Variants in FOXP1 observed in about 807,000 individuals in gnomAD.
The protein encoded by FOXP1 is forkhead box P1, also known as forkhead box protein P1.
In FOXP1, 15 loss-of-function variants were observed where a neutral mutation model predicts 98.2. The observed-to-expected ratio is 0.15, with a 90% CI of 0.10 to 0.24. The LOEUF (loss-of-function observed/expected upper bound fraction) is 0.24, where lower values mean the gene tolerates loss of function less well. Ranked by LOEUF, FOXP1 falls within the 10% of genes least tolerant of loss-of-function variation. FOXP1 has a pLI of 1.00. For missense variants in FOXP1, 633 were observed against 848.5 expected, an observed-to-expected ratio of 0.75 and a Z score of 3.15; for synonymous variants, 371 against 314.5, an observed-to-expected ratio of 1.18 and a Z score of -1.90.
chr3:71,372,445 A>G (rs928493397), intron 3 of FOXP1, among the ~76,000 whole-genome samples: 1 of 152,102 alleles, frequency 6.6e-6, no homozygotes, highest in African/African-American at 2.4e-5. Flanking sequence ...TTCCACGCAG[A>G]TATCTTGTTC....
chr3:71,311,630 C>T (rs961270866), intron 4 of FOXP1, among the ~76,000 whole-genome samples: 35 of 152,180 alleles, frequency 2.3e-4, no homozygotes, highest in African/African-American at 8.2e-4. Flanking sequence ...CAAGAATGAA[C>T]CCATGTACAT....
chr3:71,137,383 C>A (rs887216322), intron 6 of FOXP1, among the ~76,000 whole-genome samples: 2 of 152,194 alleles, frequency 1.3e-5, no homozygotes, highest in Non-Finnish European at 2.9e-5. Context: ...ATCCTCCATA[C>A]GGTCTGAGAT....
rs532587089 is a variant in FOXP1, at chr3:71,370,528, A to G, written c.-167-11284T>C. Among the ~76,000 whole-genome samples the G allele has an allele frequency of 6.0e-4, 91 of 152,330 alleles. 1 individual carries two copies. The South Asian group carries it at 0.018, about 31-fold the overall frequency. ...TTGTTTATTCTTTCACTCCATAAAC[A>G]CTTGAGGAAAGGGCACTAGAACAGA... On this transcript the variant is annotated intron_variant, in intron 3 of 20. Transcript: ENST00000649528.
At chr3:71,368,507 T>C (rs995115582) in intron 3 of FOXP1, among the ~76,000 whole-genome samples, 1 of 151,904 alleles carries the variant, frequency 6.6e-6, no homozygotes, top group Admixed American at 6.6e-5. Context: ...CTCTCATTAG[T>C]CTCTGAGAAA....
At position 71,074,031 on chromosome 3, in the gene FOXP1, T is replaced by A. The variant is rs148907886; in HGVS notation, c.283-20258A>T. Among the ~76,000 whole-genome samples, 11 of 152,258 alleles carry A rather than the reference T, an allele frequency of 7.2e-5. No homozygotes were observed. The East Asian group carries it at 1.9e-3, about 27-fold the overall frequency. Reference sequence around the variant, plus strand: ...ACGTACTGTGACCCTGGCACAGGATTTGACAAAGAAAGGGAAAATGAGGGA... The same window carrying A: ...ACGTACTGTGACCCTGGCACAGGATATGACAAAGAAAGGGAAAATGAGGGA... On this transcript the variant is annotated intron_variant, in intron 7 of 20. Transcript: ENST00000649528.
intron 5 of FOXP1, among the ~76,000 whole-genome samples, chr3:71,279,980 G>A (rs192953475): frequency 3.4e-4 from 51 of 151,838 alleles, no homozygotes; most frequent in African/African-American, 9.2e-4. Flanking sequence ...AAAATTAGCC[G>A]GGCGTGGTGA....
chr3:71,579,363 T>G (rs1390746045), intron 2 of FOXP1, among the ~76,000 whole-genome samples: 1 of 152,194 alleles, frequency 6.6e-6, no homozygotes, highest in Non-Finnish European at 1.5e-5. Flanking sequence ...TTCATTATAC[T>G]TTGATAAACC....
intron 18 of FOXP1, 102 bp from the exon 19 acceptor site, chr3:70,970,907 A>T: frequency 1.1e-6 from 1 of 876,598 alleles, no homozygotes; most frequent in South Asian, 1.3e-5. Context: ...CAAATGAGCA[A>T]TTTCCCCCAC....
At chr3:71,291,833 C>T (rs943774644) in intron 5 of FOXP1, among the ~76,000 whole-genome samples, 8 of 151,112 alleles carry the variant, frequency 5.3e-5, no homozygotes, top group Admixed American at 2.0e-4. Flanking sequence ...TAGCCTCCCA[C>T]GTAGCTGGGA....
chr3:71,536,302 G>C (rs768080658), intron 2 of FOXP1, among the ~76,000 whole-genome samples: 2 of 152,052 alleles, frequency 1.3e-5, no homozygotes, highest in African/African-American at 4.8e-5. Flanking sequence ...TAATTTACTT[G>C]TGACCCACGA....
At chr3:71,299,425 G>A (rs1361180219) in intron 5 of FOXP1, among the ~76,000 whole-genome samples, 1 of 152,158 alleles carries the variant, frequency 6.6e-6, no homozygotes, top group Non-Finnish European at 1.5e-5. Context: ...TCAATTGGAT[G>A]ACACCACTTC....
intron 3 of FOXP1, among the ~76,000 whole-genome samples, chr3:71,431,335 T>C (rs1464641484): frequency 1.3e-5 from 2 of 152,148 alleles, no homozygotes; most frequent in Non-Finnish European, 2.9e-5. Context: ...TGTGAGAAGA[T>C]GCTTGCCCAG....
At position 71,437,433 on chromosome 3, in the gene FOXP1, A is replaced by G. The variant is rs142001172; in HGVS notation, c.-168+55993T>C. On this transcript the variant is annotated intron_variant, in intron 3 of 20. Coordinates refer to ENST00000649528, the MANE Select transcript of FOXP1 (RefSeq NM_001349338.3). ...AAAGCAAAACAAAACAAAACAAAAC[A>G]AACAGAAAACAAATCATGAATACAT... Among the ~76,000 whole-genome samples the G allele has an allele frequency of 8.5e-3, 1,293 of 152,236 alleles. 19 individuals are homozygous for G. The highest frequency in any genetic ancestry group is 0.028 in the African/African-American group (1,156 of 41,526).
At chr3:71,477,518 T>A (rs2089947782) in intron 3 of FOXP1, among the ~76,000 whole-genome samples, 1 of 152,240 alleles carries the variant, frequency 6.6e-6, no homozygotes, top group South Asian at 2.1e-4. Context: ...AATATAAAAT[T>A]TTTGATTCAA....
intron 3 of FOXP1, among the ~76,000 whole-genome samples, chr3:71,435,906 AC>A (rs2085288289): frequency 1.5e-4 from 6 of 38,870 alleles, no homozygotes; most frequent in African/African-American, 7.1e-4. Context: ...GGAGGAAGGG[AC>A]GGAGGGAGGG....
chr3:71,315,928 C>T (rs2075049885), intron 4 of FOXP1, among the ~76,000 whole-genome samples: 1 of 152,184 alleles, frequency 6.6e-6, no homozygotes, highest in Non-Finnish European at 1.5e-5. Context: ...CTATTTGCCT[C>T]TTAGTTTTGT....
rs971591051 is a variant in FOXP1, at chr3:71,376,928, C to CT, written c.-167-17685dup. Among the ~76,000 whole-genome samples the CT allele has an allele frequency of 5.8e-4, 88 of 151,152 alleles. 2 individuals carry two copies. The highest frequency in any genetic ancestry group is 6.6e-4 in the Non-Finnish European group (45 of 67,712). ...CACAATTATACCTATCATATGTATT[C>CT]TTTTTTTTTAACCTACAGAAACTCA... On this transcript the variant is annotated intron_variant, in intron 3 of 20. Transcript: ENST00000649528.
chr3:70,961,163 CT>C (rs2033385659), intron 20 of FOXP1, among the ~76,000 whole-genome samples: 1 of 151,700 alleles, frequency 6.6e-6, no homozygotes, highest in Non-Finnish European at 1.5e-5. Context: ...TTCTTAAAAA[CT>C]TTGCAAAACA....
rs540472816 is a variant in FOXP1, at chr3:71,413,386, C to T, written c.-167-54142G>A. On this transcript the variant is annotated intron_variant, in intron 3 of 20. Coordinates refer to ENST00000649528, the MANE Select transcript of FOXP1 (RefSeq NM_001349338.3). Reference sequence around the variant, plus strand: ...TGCCATTACAAAGAATGATACATACCTACATTAATGATAGAGCAGAATGGC... The same window carrying T: ...TGCCATTACAAAGAATGATACATACTTACATTAATGATAGAGCAGAATGGC... 3.3e-5 allele frequency among the ~76,000 whole-genome samples: 5 copies of T among 151,518 alleles called. No homozygotes were observed. The South Asian group carries it at 1.0e-3, about 32-fold the overall frequency.
Sources: gnomAD v4.1 joint callset for allele counts (sites outside exome capture counted in the v4.1 genomes callset) on GRCh38, gnomAD v4.1.1 for gene constraint, MANE v1.5 for transcripts, NCBI Gene and HGNC (gene_info 2026-07-23, HGNC 2026-07-21) for gene names.